Variants in ABLIM2 observed in about 807,000 individuals in gnomAD.
ABLIM2 encodes actin binding LIM protein family member 2, also known as actin-binding LIM protein 2.
A neutral mutation model predicts 97.7 loss-of-function variants in ABLIM2; 53 were observed. That is an observed-to-expected ratio of 0.54 (90% CI 0.44 to 0.68). The LOEUF (loss-of-function observed/expected upper bound fraction) is 0.68, where lower values mean the gene tolerates loss of function less well. ABLIM2 is among the 30% of genes least tolerant of loss of function. The probability of loss-of-function intolerance (pLI) is 0.00; values close to 1 mark genes in which losing one functional copy is unlikely to be tolerated. For synonymous variants in ABLIM2, 361 were observed against 345.8 expected, an observed-to-expected ratio of 1.04 and a Z score of -0.49; for missense variants, 835 against 867.2, an observed-to-expected ratio of 0.96 and a Z score of 0.47.
chr4:8,133,024 A>G (rs1001827130), intron 1 of ABLIM2, among the ~76,000 whole-genome samples: 2 of 152,164 alleles, frequency 1.3e-5, no homozygotes, highest in Non-Finnish European at 2.9e-5. Context: ...TTGTGAGGAC[A>G]ACGCAGGCTC....
intron 5 of ABLIM2, 129 bp from the exon 6 acceptor site, chr4:8,077,850 A>G (rs1398622218): frequency 1.4e-6 from 1 of 732,506 alleles, no homozygotes; most frequent in Non-Finnish European, 2.3e-6. Context: ...CTCAGGTAAC[A>G]ATGCTTCCAA....
chr4:8,153,136 C>T (rs752893509), intron 1 of ABLIM2, among the ~76,000 whole-genome samples: 2 of 152,110 alleles, frequency 1.3e-5, no homozygotes, highest in Non-Finnish European at 2.9e-5. Context: ...AAGACAGGCC[C>T]CTTCATCTCC....
intron 4 of ABLIM2, among the ~76,000 whole-genome samples, chr4:8,081,671 G>A (rs1040668382): frequency 2.6e-5 from 4 of 152,186 alleles, no homozygotes; most frequent in Non-Finnish European, 5.9e-5. Context: ...GTGAGCATTT[G>A]TATGTCACCT....
chr4:7,983,440 T>C, intron 19 of ABLIM2, 96 bp from the exon 20 acceptor site: 1 of 1,579,422 alleles, frequency 6.3e-7, no homozygotes, highest in South Asian at 1.1e-5. Flanking sequence ...CATACTTGCG[T>C]CTGCACCTGA....
At chr4:8,077,018 T>C (rs1045925585) in intron 6 of ABLIM2, among the ~76,000 whole-genome samples, 2 of 130,136 alleles carry the variant, frequency 1.5e-5, no homozygotes, top group African/African-American at 5.9e-5. Context: ...GGGTTGGGGG[T>C]CTGTGAATCC....
chr4:8,030,449 A>T (rs1014541188), intron 10 of ABLIM2, among the ~76,000 whole-genome samples: 3 of 152,158 alleles, frequency 2.0e-5, no homozygotes, highest in Non-Finnish European at 2.9e-5. Flanking sequence ...GTCCTGCTGC[A>T]GGGTGGAGGT....
At chr4:8,086,636 C>T (rs1823874503) in intron 4 of ABLIM2, among the ~76,000 whole-genome samples, 1 of 152,198 alleles carries the variant, frequency 6.6e-6, no homozygotes, top group South Asian at 2.1e-4. Context: ...TGAGCCACCA[C>T]ACCCAGCCCA....
At position 8,020,205 on chromosome 4, in the gene ABLIM2, G is replaced by A. The variant is rs868504646; in HGVS notation, c.1366C>T (p.Pro456Ser). The change falls in exon 13 of 21, where the codon CCA (proline) becomes TCA (serine). Residue 456 changes from proline (P) to serine (S), a missense_variant. Coordinates refer to ENST00000447017, the MANE Select transcript of ABLIM2 (RefSeq NM_001130083.2). ...YQQAPRHFHV[P>S]DTGVKDNIYR... ...GCCAGCGTGTCCCGGAGCCTACCTG[G>A]GACGTGGAAGTGGCGAGGTGCCTGC... The A allele has an allele frequency of 6.2e-7, 1 of 1,613,164 alleles. No homozygotes were observed. Among genetic ancestry groups the A allele is most frequent in the Non-Finnish European group, 8.5e-7 (1 of 1,179,496 alleles).
chr4:8,007,876 G>A, intron 16 of ABLIM2, 183 bp downstream of exon 16: 2 of 1,403,210 alleles, frequency 1.4e-6, no homozygotes, highest in Admixed American at 2.9e-5. Flanking sequence ...CAGTTCTTGG[G>A]AAGCCGGCAA....
At position 8,077,636 on chromosome 4, in the gene ABLIM2, C is replaced by T. The variant is rs369935153; in HGVS notation, c.667G>A (p.Val223Met). 143 of 1,610,408 alleles carry T rather than the reference C, an allele frequency of 8.9e-5. No homozygotes were observed. The highest frequency in any genetic ancestry group is 1.1e-4 in the Non-Finnish European group (131 of 1,178,240). The change falls in exon 6 of 21, where the codon GTG becomes ATG. Residue 223 changes from valine to methionine, a missense_variant. Val to Met is a conservative substitution (Grantham distance 21, BLOSUM62 1). Transcript: ENST00000447017. ...DSCEKYITGRVLEAGEKHYHP... is the reference protein window; with the variant it reads ...DSCEKYITGRMLEAGEKHYHP... ...CGGCCCGCCGCGCTTACCTCCAGCA[C>T]GCGCCCCGTGATGTATTTCTCACAG...
intron 1 of ABLIM2, among the ~76,000 whole-genome samples, chr4:8,110,777 C>G (rs1041430148): frequency 6.6e-6 from 1 of 152,186 alleles, no homozygotes; most frequent in South Asian, 2.1e-4. Flanking sequence ...AGGGTCATGG[C>G]GGAGGCGCTG....
chr4:8,059,402 C>T (rs370410604), intron 7 of ABLIM2, among the ~76,000 whole-genome samples: 189 of 152,224 alleles, frequency 1.2e-3, no homozygotes, highest in African/African-American at 4.4e-3. Flanking sequence ...ACCTCCAACT[C>T]TAACGGTGTC....
rs1437303891 is a variant in ABLIM2, at chr4:8,033,834, G to A, written c.1047+2315C>T. Among the ~76,000 whole-genome samples the A allele has an allele frequency of 6.6e-6, 1 of 152,236 alleles. No individual in the cohort carries two copies. The highest frequency in any genetic ancestry group is 2.4e-5 in the African/African-American group (1 of 41,460). ...CCGTGTCCACTTGGGCCTGGAAGCTGTGTCCTGGTCATACCATGAGACCCT... is the reference window on the plus strand; with the variant it reads ...CCGTGTCCACTTGGGCCTGGAAGCTATGTCCTGGTCATACCATGAGACCCT... On this transcript the variant is annotated intron_variant, in intron 10 of 20. Coordinates refer to ENST00000447017, the MANE Select transcript of ABLIM2 (RefSeq NM_001130083.2). The surrounding 1 kb of genome is among the most constrained non-coding windows in gnomAD (Gnocchi z 4.5).
chr4:7,991,764 C>A lies in ABLIM2; in HGVS notation c.1680+1102G>T, dbSNP rs556779299. On this transcript the variant is annotated intron_variant, in intron 17 of 20. Coordinates refer to ENST00000447017, the MANE Select transcript of ABLIM2 (RefSeq NM_001130083.2). ...GAGGTGCCTGGGCCCTGGGGGAGAT[C>A]CGGGGAGGCTGGGCCTTGGACAAAA... is the stretch of plus-strand genomic sequence containing the variant. Among the ~76,000 whole-genome samples the A allele has an allele frequency of 5.3e-5, 8 of 152,142 alleles. No individual in the cohort carries two copies. In the East Asian group the frequency reaches 9.7e-4, roughly 18 times the overall value.
At chr4:7,983,446 C>A in intron 19 of ABLIM2, 101 bp downstream of exon 19, 2 of 1,582,934 alleles carry the variant, frequency 1.3e-6, no homozygotes, top group Middle Eastern at 1.7e-4. Context: ...TGCGTCTGCA[C>A]CTGACACACA....
rs1028745084 is a variant in ABLIM2, at chr4:8,046,135, T to C, written c.823-894A>G. On this transcript the variant is annotated intron_variant, in intron 8 of 20. Transcript: ENST00000447017. This position sits in a 1 kb window ranked among gnomAD's most constrained non-coding sequence, Gnocchi z 4.4. ...GTCACGCCTGGGACCTGTGTCCTCC[T>C]TACATGCTCGCTGCTGTCTGGGGCC... Among the ~76,000 whole-genome samples, 6 of 152,154 alleles carry C rather than the reference T, an allele frequency of 3.9e-5. No individual in the cohort carries two copies. The highest frequency in any genetic ancestry group is 1.2e-4 in the African/African-American group (5 of 41,432).
chr4:8,017,083 C>T (rs779087322), intron 14 of ABLIM2, among the ~76,000 whole-genome samples: 92 of 152,222 alleles, frequency 6.0e-4, no homozygotes, highest in Middle Eastern at 3.4e-3. Flanking sequence ...TGTGGAAACA[C>T]AAAAATGTCC....
intron 3 of ABLIM2, among the ~76,000 whole-genome samples, chr4:8,091,545 A>AAT: frequency 2.1e-5 from 1 of 47,068 alleles, no homozygotes. Flanking sequence ...ATTATATATA[A>AAT]TATTTATAAT....
chr4:8,005,532 G>A lies in ABLIM2; in HGVS notation c.1618+2527C>T. On this transcript the variant is annotated intron_variant, in intron 16 of 20. Coordinates refer to ENST00000447017, the MANE Select transcript of ABLIM2 (RefSeq NM_001130083.2). This position sits in a 1 kb window ranked among gnomAD's most constrained non-coding sequence, Gnocchi z 4.9. Reference sequence around the variant, plus strand: ...CGGACTCAGGTCTGGGGGCTACTTGGTGACAATCAAAAGAACCCCGAGAGA... The same window carrying A: ...CGGACTCAGGTCTGGGGGCTACTTGATGACAATCAAAAGAACCCCGAGAGA... The A allele has an allele frequency of 6.0e-6, 3 of 501,416 alleles. No individual in the cohort carries two copies. Among genetic ancestry groups the A allele is most frequent in the South Asian group, 2.8e-5 (2 of 70,936 alleles). The allele number at this position is 501,416 out of a possible 1,614,324, so 31.1% of individuals were successfully genotyped here. A position where few individuals can be genotyped will look rare whatever the true frequency, so the allele number is the denominator to read the frequency against.
Sources: gnomAD v4.1 joint callset for allele counts (sites outside exome capture counted in the v4.1 genomes callset) on GRCh38, gnomAD v4.1.1 for gene constraint, Gnocchi (gnomAD v3.1) non-coding constraint, MANE v1.5 for transcripts, NCBI Gene and HGNC (gene_info 2026-07-23, HGNC 2026-07-21) for gene names.